Variants in KRT74 observed in about 807,000 individuals in gnomAD.
The protein encoded by KRT74 is keratin, type II cytoskeletal 74.
A neutral mutation model predicts 42.7 loss-of-function variants in KRT74; 43 were observed. The observed-to-expected ratio is 1.01, with a 90% CI of 0.79 to 1.30. The LOEUF (loss-of-function observed/expected upper bound fraction) is 1.30. Among genes scored for constraint, KRT74 ranks in the 50% most tolerant of loss-of-function variants. The pLI, the probability that KRT74 is intolerant of heterozygous loss-of-function variation, is 0.00. For synonymous variants in KRT74, 302 were observed against 279.0 expected (o/e 1.08, Z -0.82); for missense variants, 736 against 689.1 (o/e 1.07, Z -0.76).
chr12:52,569,888 G>T lies in KRT74; in HGVS notation c.1105C>A (p.Arg369=), dbSNP rs760735375. 2.5e-6 allele frequency: 4 copies of T among 1,614,064 alleles called. No homozygotes were observed. The highest frequency in any genetic ancestry group is 1.3e-5 in the African/African-American group (1 of 74,920). Residue 369 remains arginine, a synonymous_variant, in exon 6 of 9, where the codon CGG becomes AGG. Transcript: ENST00000305620. ...TTCTTCACATTCCCGATCTCACACC[G>T]GATCCTCTGGATGAGCCGGTTCAGC... ...VELNRLIQRI[R]CEIGNVKKQR...
At chr12:52,567,753 A>G in intron 7 of KRT74, 60 bp from the exon 8 acceptor site, 1 of 1,234,132 alleles carries the variant, frequency 8.1e-7, no homozygotes, top group Non-Finnish European at 1.2e-6. Context: ...ACTAAACATC[A>G]ATGGGCTCCT....
chr12:52,569,594 A>G, intron 6 of KRT74: 1 of 600,258 alleles, frequency 1.7e-6, no homozygotes, highest in South Asian at 2.0e-5. Flanking sequence ...GGGCTCTGGG[A>G]AAGTCCCTTC....
Position 52,568,019 on chromosome 12 carries a change from A to G in KRT74, c.1355+150T>C, listed in dbSNP as rs968284341. On this transcript the variant is annotated intron_variant, in intron 7 of 8. Coordinates refer to ENST00000305620, the MANE Select transcript of KRT74 (RefSeq NM_175053.4). ...TACGCTTCATGGCTCATGTCCAACAACCCCTTGCAGGAAGCTGCCTCTGAG... is the reference window on the plus strand; with the variant it reads ...TACGCTTCATGGCTCATGTCCAACAGCCCCTTGCAGGAAGCTGCCTCTGAG... 1.1e-4 allele frequency: 99 copies of G among 920,700 alleles called. 1 individual carries two copies. The highest frequency in any genetic ancestry group is 7.8e-5 in the Non-Finnish European group (46 of 593,342). 57.0% of individuals were successfully genotyped at this position (920,700 alleles called of 1,614,324 possible).
Position 52,567,113 on chromosome 12 carries a change from G to A in KRT74, c.1446C>T (p.Asp482=). The change falls in exon 9 of 9, where the codon GAC becomes GAT. Residue 482 remains aspartate (D), a synonymous_variant. Transcript: ENST00000305620. ...SYHHPSSAGV[D]LGASAVAGSS... ...TGCCTGCCACAGCGCTGGCCCCAAG[G>A]TCAACACCCGCAGAGCTGGGGTGGT... is the stretch of plus-strand genomic sequence containing the variant. The A allele has an allele frequency of 1.2e-6, 2 of 1,605,540 alleles. No individual in the cohort carries two copies. Among genetic ancestry groups the A allele is most frequent in the Non-Finnish European group, 1.7e-6 (2 of 1,173,364 alleles).
rs555227972 is a variant in KRT74, at chr12:52,569,887, C to A, written c.1106G>T (p.Arg369Leu). 2 of 1,614,054 alleles carry A rather than the reference C, an allele frequency of 1.2e-6. No homozygotes were observed. The highest frequency in any genetic ancestry group is 2.2e-5 in the East Asian group (1 of 44,890). ...CTTCTTCACATTCCCGATCTCACAC[C>A]GGATCCTCTGGATGAGCCGGTTCAG... ...VELNRLIQRI[R>L]CEIGNVKKQR... is the part of the protein sequence containing the mutation. The change falls in exon 6 of 9, where the codon CGG becomes CTG. Residue 369 changes from arginine (R) to leucine (L), a missense_variant. Arg to Leu is a moderately radical substitution (Grantham distance 102). Transcript: ENST00000305620.
intron 3 of KRT74, 55 bp from the exon 4 acceptor site, chr12:52,571,509 C>T (rs1939482193): frequency 7.8e-7 from 1 of 1,285,670 alleles, no homozygotes; most frequent in Non-Finnish European, 1.1e-6. Context: ...CACAGCTGCC[C>T]TGCCCAACTC....
At chr12:52,568,830 G>A (rs988335341) in intron 6 of KRT74, among the ~76,000 whole-genome samples, 2 of 152,246 alleles carry the variant, frequency 1.3e-5, no homozygotes, top group Non-Finnish European at 2.9e-5. Context: ...TTAGCATCCA[G>A]ATGAGTGTTT....
In KRT74 at chr12:52,573,344, T is replaced by C; in HGVS notation, c.434A>G (p.Lys145Arg). The C allele has an allele frequency of 1.2e-6, 2 of 1,614,212 alleles. No individual in the cohort carries two copies. Among genetic ancestry groups the C allele is most frequent in the Non-Finnish European group, 1.7e-6 (2 of 1,180,034 alleles). The change falls in exon 1 of 9, where the codon AAG becomes AGG. Residue 145 changes from lysine (K) to arginine (R), a missense_variant. Transcript: ENST00000305620. ...KVRAQEREQIKVLNDKFASFI... is the reference protein window; with the variant it reads ...KVRAQEREQIRVLNDKFASFI... ...GGAGGCGAACTTGTCGTTCAGCACC[T>C]TGATCTGTTCCCGCTCCTGGGCGCG...
chr12:52,573,181 T>A, intron 1 of KRT74, 126 bp downstream of exon 1: 3 of 901,612 alleles, frequency 3.3e-6, no homozygotes, highest in Admixed American at 1.8e-5. Flanking sequence ...CCTTCCCTAA[T>A]GGTGAGGAAG....
intron 7 of KRT74, 83 bp downstream of exon 7, chr12:52,568,086 C>T: frequency 6.8e-7 from 1 of 1,480,478 alleles, no homozygotes; most frequent in Non-Finnish European, 9.4e-7. Context: ...TGGCACTAAC[C>T]ATGTTGTTCT....
At chr12:52,571,530 G>A in intron 3 of KRT74, 76 bp from the exon 4 acceptor site, 1 of 1,033,678 alleles carries the variant, frequency 9.7e-7, no homozygotes, top group Non-Finnish European at 1.5e-6. Flanking sequence ...CTGCCTCAAA[G>A]CCACCTGATT....
Position 52,573,828 on chromosome 12 carries a change from T to C in KRT74, c.-51A>G. The C allele has an allele frequency of 1.4e-6, 2 of 1,427,430 alleles. No homozygotes were observed. Among genetic ancestry groups the C allele is most frequent in the Non-Finnish European group, 2.0e-6 (2 of 1,014,210 alleles). The allele number at this position is 1,427,430 out of a possible 1,614,324, so 88.4% of individuals were successfully genotyped here. On this transcript the variant is annotated 5_prime_UTR_variant, in exon 1 of 9. Coordinates refer to ENST00000305620, the MANE Select transcript of KRT74 (RefSeq NM_175053.4). The stretch of plus-strand genomic sequence containing the variant: ...CTGGAGAAAAGCAGTCTCCAAGGGG[T>C]AGAGAACACACTGATGGGGCACCCA...
chr12:52,568,474 G>T, intron 6 of KRT74, 85 bp from the exon 7 acceptor site: 3 of 1,413,054 alleles, frequency 2.1e-6, no homozygotes, highest in Non-Finnish European at 2.0e-6. Context: ...CCCTCATTTT[G>T]CAGATGGGGC....
At chr12:52,571,304 C>T in intron 4 of KRT74, 55 bp downstream of exon 4, 1 of 1,100,652 alleles carries the variant, frequency 9.1e-7, no homozygotes, top group Non-Finnish European at 1.4e-6. Flanking sequence ...TGGTATCTCC[C>T]TGGAAGAGTC....
In KRT74 at chr12:52,572,624, C is replaced by T. The variant is rs200761203; in HGVS notation, c.515G>A (p.Trp172Ter). Residue 172 changes from tryptophan to a stop codon, truncating the protein, a stop_gained, in exon 2 of 9, where the codon TGG becomes TAG. Coordinates refer to ENST00000305620, the MANE Select transcript of KRT74 (RefSeq NM_175053.4). LOFTEE classifies it high-confidence loss of function. ...EQQNQVLETK[W>*]ELLQQLDLNN... ...CAGGTCCAGCTGCTGCAGCAGCTCC[C>T]ACTTGGTTTCTAGAACCTGGTTCTG... 1 of 1,614,184 alleles carries T rather than the reference C, an allele frequency of 6.2e-7. No individual in the cohort carries two copies. The highest frequency in any genetic ancestry group is 1.7e-5 in the Admixed American group (1 of 60,022).
chr12:52,571,051 G>A (rs1363577453), intron 4 of KRT74, among the ~76,000 whole-genome samples: 1 of 152,258 alleles, frequency 6.6e-6, no homozygotes, highest in Non-Finnish European at 1.5e-5. Flanking sequence ...GCTGGCACAT[G>A]CAGACGGGTG....
chr12:52,567,641 T>A lies in KRT74; in HGVS notation c.1390+18A>T. 1 of 1,600,264 alleles carries A rather than the reference T, an allele frequency of 6.2e-7. No individual in the cohort carries two copies. Among genetic ancestry groups the A allele is most frequent in the Non-Finnish European group, 8.6e-7 (1 of 1,167,532 alleles). On this transcript the variant is annotated intron_variant, in intron 8 of 8. Transcript: ENST00000305620. ...TCCCTGGCTTTCCCAACCCAAGGCA[T>A]CTCTCAAGAATACTCACAGATGCTC...
In KRT74 at chr12:52,572,346, A is replaced by G. The variant is rs1052387503; in HGVS notation, c.686+107T>C. 6 of 1,173,742 alleles carry G rather than the reference A, an allele frequency of 5.1e-6. No individual in the cohort carries two copies. The African/African-American group carries it at 6.2e-5, about 12-fold the overall frequency. The allele number at this position is 1,173,742 out of a possible 1,614,324, so 72.7% of individuals were successfully genotyped here. A position where few individuals can be genotyped will look rare whatever the true frequency, so the allele number is the denominator to read the frequency against. Reference sequence around the variant, plus strand: ...CCAGAGAAAGGGATGTGAGCTCCTGACCCTGGTGCATACTCCCCCATCTCC... The same window carrying G: ...CCAGAGAAAGGGATGTGAGCTCCTGGCCCTGGTGCATACTCCCCCATCTCC... On this transcript the variant is annotated intron_variant, in intron 2 of 8. Coordinates refer to ENST00000305620, the MANE Select transcript of KRT74 (RefSeq NM_175053.4).
In KRT74 at chr12:52,572,635, T is replaced by C. The variant is rs1939507306; in HGVS notation, c.504A>G (p.Leu168=). 1.9e-6 allele frequency: 3 copies of C among 1,614,226 alleles called. No homozygotes were observed. The highest frequency in any genetic ancestry group is 2.5e-6 in the Non-Finnish European group (3 of 1,180,026). Residue 168 remains leucine (L), a synonymous_variant, in exon 2 of 9, where the codon CTA becomes CTG. Coordinates refer to ENST00000305620, the MANE Select transcript of KRT74 (RefSeq NM_175053.4). ...VRFLEQQNQV[L]ETKWELLQQL... Reference sequence around the variant, plus strand: ...GCTGCAGCAGCTCCCACTTGGTTTCTAGAACCTGGTTCTGCTGCTCTAGGA... The same window carrying C: ...GCTGCAGCAGCTCCCACTTGGTTTCCAGAACCTGGTTCTGCTGCTCTAGGA...
Sources: allele counts gnomAD v4.1 joint callset (sites outside exome capture counted in the v4.1 genomes callset), GRCh38; gene constraint gnomAD v4.1.1; transcripts MANE v1.5; gene names NCBI Gene and HGNC (gene_info 2026-07-23, HGNC 2026-07-21).